Variants in RALYL observed in about 807,000 individuals in gnomAD.
The protein encoded by RALYL is RALY RNA binding protein like.
RALYL carries 29 observed loss-of-function variants against 35.1 expected under a neutral mutation model. The observed-to-expected ratio is 0.83, with a 90% confidence interval of 0.61 to 1.13. RALYL has a LOEUF of 1.13. RALYL is among the 50% of genes most tolerant of loss of function. RALYL has a pLI of 0.00. For synonymous variants in RALYL, 120 were observed against 127.6 expected (o/e 0.94, Z 0.40); for missense variants, 359 against 360.4 (o/e 1.00, Z 0.03).
intron 1 of RALYL, among the ~76,000 whole-genome samples, chr8:84,219,882 G>GA: frequency 6.6e-6 from 1 of 152,072 alleles, no homozygotes. Flanking sequence ...TAGATAGATA[G>GA]TTAGAAATGA....
At position 84,873,306 on chromosome 8, in the gene RALYL, C is replaced by A. The variant is rs2135244312; in HGVS notation, c.594C>A (p.Thr198=). Residue 198 remains threonine (T), a synonymous_variant, in exon 7 of 9, where the codon ACC becomes ACA. Transcript: ENST00000521268. Reference sequence around the variant, plus strand: ...CAGTGAAATCAGATGAGTTACAGACCATCAAGAAAGAATTAACCCAGATCA... The same window carrying A: ...CAGTGAAATCAGATGAGTTACAGACAATCAAGAAAGAATTAACCCAGATCA... ...GSKLKSDELQ[T]IKKELTQIKT... 1.9e-6 allele frequency: 3 copies of A among 1,591,170 alleles called. No homozygotes were observed. Among genetic ancestry groups the A allele is most frequent in the Non-Finnish European group, 2.6e-6 (3 of 1,166,966 alleles).
At chr8:84,428,077 GTCTC>G (rs71271988) in intron 1 of RALYL, among the ~76,000 whole-genome samples, 1,462 of 129,318 alleles carry the variant, frequency 0.011, 24 homozygotes, top group African/African-American at 0.035. Context: ...CTTGCTCGCT[GTCTC>G]TCTCTCTCTC....
chr8:84,617,858 T>G (rs1820192929), intron 2 of RALYL, among the ~76,000 whole-genome samples: 1 of 151,786 alleles, frequency 6.6e-6, no homozygotes, highest in Non-Finnish European at 1.5e-5. Flanking sequence ...AATCATGTGG[T>G]TTTTGTCTTT....
At chr8:84,815,463 T>C (rs1586499673) in intron 4 of RALYL, among the ~76,000 whole-genome samples, 1 of 148,122 alleles carries the variant, frequency 6.8e-6, no homozygotes, top group East Asian at 1.9e-4. Flanking sequence ...TAATACTGAA[T>C]GTTTATATTA....
At chr8:84,918,018 A>G (rs1183836889) in intron 8 of RALYL, among the ~76,000 whole-genome samples, 1 of 152,078 alleles carries the variant, frequency 6.6e-6, no homozygotes, top group African/African-American at 2.4e-5. Flanking sequence ...AGTGGCAACA[A>G]GTATAATTGC....
At chr8:84,889,373 C>T (rs575044429) in intron 8 of RALYL, among the ~76,000 whole-genome samples, 2 of 152,282 alleles carry the variant, frequency 1.3e-5, no homozygotes, top group East Asian at 1.9e-4. Context: ...CTTCTCTGTT[C>T]TTATTTTAAT....
chr8:84,877,727 A>T (rs1563794973), intron 7 of RALYL, among the ~76,000 whole-genome samples: 1 of 152,146 alleles, frequency 6.6e-6, no homozygotes, highest in East Asian at 1.9e-4. Flanking sequence ...TGCACCTTAA[A>T]CTATTGCCAT....
At chr8:84,818,188 A>T (rs979431428) in intron 4 of RALYL, among the ~76,000 whole-genome samples, 5 of 152,216 alleles carry the variant, frequency 3.3e-5, no homozygotes, top group African/African-American at 1.2e-4. Flanking sequence ...TCCAGGCTGT[A>T]CTTAGAGTGA....
At chr8:84,290,903 C>T (rs78863689) in intron 1 of RALYL, among the ~76,000 whole-genome samples, 4,122 of 152,222 alleles carry the variant, frequency 0.027, 102 homozygotes, top group Non-Finnish European at 0.031. Flanking sequence ...ATGTATAATA[C>T]TTTTGATATC....
chr8:84,531,042 C>A (rs898382994), intron 2 of RALYL, among the ~76,000 whole-genome samples: 1 of 151,872 alleles, frequency 6.6e-6, no homozygotes. Context: ...ATAGAATAGT[C>A]ATCTTCCTCC....
chr8:84,919,239 A>G (rs1161788450), intron 8 of RALYL, among the ~76,000 whole-genome samples: 1 of 152,100 alleles, frequency 6.6e-6, no homozygotes, highest in Non-Finnish European at 1.5e-5. Flanking sequence ...TTGCAATCAT[A>G]TAAATAGCCT....
At chr8:84,370,708 C>T (rs1235790776) in intron 1 of RALYL, among the ~76,000 whole-genome samples, 1 of 151,858 alleles carries the variant, frequency 6.6e-6, no homozygotes, top group Non-Finnish European at 1.5e-5. Flanking sequence ...ACACAAACTA[C>T]AGATGTTTAG....
At chr8:84,684,403 G>C (rs1016526225) in intron 2 of RALYL, among the ~76,000 whole-genome samples, 1 of 152,130 alleles carries the variant, frequency 6.6e-6, no homozygotes, top group Non-Finnish European at 1.5e-5. Flanking sequence ...TATGCCCAAG[G>C]CAATGATAAG....
At chr8:84,474,166 A>G (rs2053124719) in intron 1 of RALYL, among the ~76,000 whole-genome samples, 1 of 152,132 alleles carries the variant, frequency 6.6e-6, no homozygotes. Flanking sequence ...ACAAAATTAA[A>G]CATGCGAAAG....
intron 1 of RALYL, among the ~76,000 whole-genome samples, chr8:84,297,461 G>A (rs562409530): frequency 2.0e-5 from 3 of 152,136 alleles, no homozygotes; most frequent in Admixed American, 2.0e-4. Flanking sequence ...TACTCTTGAT[G>A]GGCATTAAGG....
intron 2 of RALYL, chr8:84,679,694 T>C (rs1834967125): frequency 2.0e-6 from 1 of 511,638 alleles, no homozygotes; most frequent in Admixed American, 2.1e-5. Flanking sequence ...AATTCATCAG[T>C]TGGATGGCTT....
chr8:84,298,217 G>A (rs1356916020), intron 1 of RALYL, among the ~76,000 whole-genome samples: 1 of 151,930 alleles, frequency 6.6e-6, no homozygotes, highest in Admixed American at 6.6e-5. Flanking sequence ...TGTGGATGGT[G>A]AAAGGAAAGG....
chr8:84,796,292 C>A (rs1478182875), intron 3 of RALYL, among the ~76,000 whole-genome samples: 1 of 152,166 alleles, frequency 6.6e-6, no homozygotes, highest in Non-Finnish European at 1.5e-5. Context: ...CCAGGCCAGC[C>A]AGCACAGAAG....
chr8:84,747,685 TA>T (rs1168805886), intron 2 of RALYL, among the ~76,000 whole-genome samples: 1 of 151,954 alleles, frequency 6.6e-6, no homozygotes, highest in Non-Finnish European at 1.5e-5. Context: ...TATATATTTT[TA>T]AGTTGAACAG....
Sources: allele counts gnomAD v4.1 joint callset (sites outside exome capture counted in the v4.1 genomes callset), GRCh38; gene constraint gnomAD v4.1.1; transcripts MANE v1.5; gene names NCBI Gene and HGNC (gene_info 2026-07-23, HGNC 2026-07-21).